RMI1: variants seen among roughly 807,000 people sequenced by gnomAD.
RMI1 encodes recQ-mediated genome instability protein 1.
A neutral mutation model predicts 46.7 loss-of-function variants in RMI1; 36 were observed. The ratio of observed to expected loss-of-function variants is 0.77; its 90% CI spans 0.59 to 1.02. The LOEUF (loss-of-function observed/expected upper bound fraction) is 1.02. Among genes scored for constraint, RMI1 ranks in the 50% least tolerant of loss-of-function variants. RMI1 has a pLI of 0.00. For synonymous variants in RMI1, 250 were observed against 252.9 expected, an observed-to-expected ratio of 0.99 and a Z score of 0.11; for missense variants, 676 against 713.7, an observed-to-expected ratio of 0.95 and a Z score of 0.60.
chr9:83,995,098 C>T (rs920653604), intron 1 of RMI1, among the ~76,000 whole-genome samples: 9 of 152,162 alleles, frequency 5.9e-5, no homozygotes, highest in Non-Finnish European at 1.3e-4. Flanking sequence ...CTCCCAGATT[C>T]AAGCCATTCT....
In RMI1 at chr9:84,001,079, T is replaced by G; in HGVS notation, c.93T>G (p.Ile31Met). The change falls in exon 3 of 3, where the codon ATT (isoleucine) becomes ATG (methionine). Residue 31 changes from isoleucine (I) to methionine (M), a missense_variant. Ile to Met is a conservative substitution (Grantham distance 10, BLOSUM62 1). Coordinates refer to ENST00000445877, the MANE Select transcript of RMI1 (RefSeq NM_001358291.2). ...CTCCGATGTGGCTGGAAGCTTGTAT[T>G]AACTGGATTCAAGAAGAAAATAATA... ...KVPPMWLEAC[I>M]NWIQEENNNV... 6.2e-7 allele frequency: 1 copy of G among 1,614,080 alleles called. No homozygotes were observed. Among genetic ancestry groups the G allele is most frequent in the Non-Finnish European group, 8.5e-7 (1 of 1,179,966 alleles).
Position 84,003,100 on chromosome 9 carries a change from G to GC in RMI1, c.*237dup, listed in dbSNP as rs1957764456. ...ATTGCTCTGTTGCCCAGGCTAGAGT[G>GC]CAGTGGCATGATCATAGGTTATTGC... On this transcript the variant is annotated 3_prime_UTR_variant, in exon 3 of 3. Coordinates refer to ENST00000445877, the MANE Select transcript of RMI1 (RefSeq NM_001358291.2). 1 of 323,394 alleles carries GC rather than the reference G, an allele frequency of 3.1e-6. No individual in the cohort carries two copies. Among genetic ancestry groups the GC allele is most frequent in the East Asian group, 5.8e-5 (1 of 17,376 alleles). 20.0% of individuals were successfully genotyped at this position (323,394 alleles called of 1,614,324 possible).
chr9:83,983,569 C>T (rs948497325), intron 1 of RMI1, among the ~76,000 whole-genome samples: 5 of 151,910 alleles, frequency 3.3e-5, no homozygotes, highest in Non-Finnish European at 5.9e-5. Flanking sequence ...GAATGACACA[C>T]GTAAGGTCCA....
At chr9:83,997,459 T>G (rs1957674785) in intron 1 of RMI1, among the ~76,000 whole-genome samples, 1 of 151,522 alleles carries the variant, frequency 6.6e-6, no homozygotes, top group Non-Finnish European at 1.5e-5. Flanking sequence ...TATTTGTTAC[T>G]CCTGACTTAA....
intron 1 of RMI1, among the ~76,000 whole-genome samples, chr9:83,998,469 T>C (rs1957691625): frequency 6.6e-6 from 1 of 152,164 alleles, no homozygotes; most frequent in Non-Finnish European, 1.5e-5. Context: ...AGCACTTACA[T>C]ACATTTACTA....
At position 83,986,827 on chromosome 9, in the gene RMI1, T is replaced by A. The variant is rs79649856; in HGVS notation, c.-126+5936T>A. On this transcript the variant is annotated intron_variant, in intron 1 of 2. Coordinates refer to ENST00000445877, the MANE Select transcript of RMI1 (RefSeq NM_001358291.2). ...ACCTTTTCAGTTCATAACCAATCAG[T>A]CTTCTTTTCTTACTGATTCATTTCT... is the stretch of plus-strand genomic sequence containing the variant. 4.0e-4 allele frequency among the ~76,000 whole-genome samples: 61 copies of A among 152,266 alleles called. 1 individual carries two copies. In the East Asian group the frequency reaches 9.7e-3, roughly 24 times the overall value.
chr9:83,989,667 C>CAAAAAAAAAAAAAAA (rs34101686), intron 1 of RMI1, among the ~76,000 whole-genome samples: 1 of 141,998 alleles, frequency 7.0e-6, no homozygotes. Context: ...ATCAAAAAGA[C>CAAAAAAAAAAAAAAA]AAAAAAAAAA....
At chr9:83,983,205 TGTTA>T (rs763430700) in intron 1 of RMI1, among the ~76,000 whole-genome samples, 66 of 152,344 alleles carry the variant, frequency 4.3e-4, no homozygotes, top group South Asian at 1.9e-3. Context: ...TTGAGCAAGT[TGTTA>T]GTTATCTTTG....
intron 1 of RMI1, among the ~76,000 whole-genome samples, chr9:83,982,533 T>C (rs1018742627): frequency 3.9e-5 from 6 of 152,046 alleles, no homozygotes; most frequent in African/African-American, 1.4e-4. Context: ...CCGGGTGTGG[T>C]TGCAGGAGCC....
At chr9:83,981,676 G>A (rs1029336195) in intron 1 of RMI1, among the ~76,000 whole-genome samples, 1 of 152,268 alleles carries the variant, frequency 6.6e-6, no homozygotes, top group South Asian at 2.1e-4. Context: ...AAGCATAAAG[G>A]TGTCATAATC....
chr9:83,994,477 T>C (rs1413078548), intron 1 of RMI1, among the ~76,000 whole-genome samples: 4 of 152,236 alleles, frequency 2.6e-5, no homozygotes, highest in Admixed American at 6.5e-5. Flanking sequence ...TTTTTGTATA[T>C]GGTGTGAGAT....
chr9:83,986,824 C>T (rs1957497193), intron 1 of RMI1, among the ~76,000 whole-genome samples: 1 of 152,180 alleles, frequency 6.6e-6, no homozygotes, highest in African/African-American at 2.4e-5. Flanking sequence ...CATAACCAAT[C>T]AGTCTTCTTT....
intron 1 of RMI1, among the ~76,000 whole-genome samples, chr9:83,994,718 C>T (rs1354283100): frequency 1.3e-5 from 2 of 152,110 alleles, no homozygotes; most frequent in East Asian, 1.9e-4. Context: ...GGGGTTTTGT[C>T]ATGTTGCCCA....
chr9:84,001,260 T>G lies in RMI1; in HGVS notation c.274T>G (p.Leu92Val), dbSNP rs750804150. Residue 92 changes from leucine to valine, a missense_variant, in exon 3 of 3, where the codon TTG becomes GTG. Leu to Val is a conservative substitution (Grantham distance 32). Transcript: ENST00000445877. The stretch of plus-strand genomic sequence containing the variant: ...ATTTTATGCTCTGCAGATTAATTCC[T>G]TGGTTGATGTAAGTCAGCCTGCATA... ...NGFYALQINS[L>V]VDVSQPAYSQ... is the part of the protein sequence containing the mutation. 8.7e-6 allele frequency: 14 copies of G among 1,613,992 alleles called. No homozygotes were observed. In the East Asian group the frequency reaches 3.1e-4, roughly 36 times the overall value.
chr9:84,003,622 C>G lies in RMI1; in HGVS notation c.*758C>G, dbSNP rs566700986. 3 of 166,324 alleles carry G rather than the reference C, an allele frequency of 1.8e-5. No homozygotes were observed. Among genetic ancestry groups the G allele is most frequent in the Admixed American group, 1.3e-4 (2 of 15,286 alleles). 10.3% of individuals were successfully genotyped at this position (166,324 alleles called of 1,614,324 possible). A position where few individuals can be genotyped will look rare whatever the true frequency, so the allele number is the denominator to read the frequency against. On this transcript the variant is annotated 3_prime_UTR_variant, in exon 3 of 3. Transcript: ENST00000445877. ...ATTAAAATCCAGTAGATCAGAACAT[C>G]AGGCTTTCAGATACAAATTGATTTA...
At chr9:83,992,444 C>A (rs1158233741) in intron 1 of RMI1, among the ~76,000 whole-genome samples, 1 of 151,470 alleles carries the variant, frequency 6.6e-6, no homozygotes, top group Non-Finnish European at 1.5e-5. Context: ...GCCAGGGATC[C>A]ATTTTAAACA....
intron 1 of RMI1, among the ~76,000 whole-genome samples, chr9:83,990,310 G>A (rs751605625): frequency 1.3e-5 from 2 of 152,082 alleles, no homozygotes; most frequent in African/African-American, 4.8e-5. Flanking sequence ...TCAGGAGTTC[G>A]AGACCAGCCT....
At chr9:83,988,040 C>T (rs138745125) in intron 1 of RMI1, among the ~76,000 whole-genome samples, 234 of 151,656 alleles carry the variant, frequency 1.5e-3, no homozygotes, top group African/African-American at 5.2e-3. Context: ...CATGTGCCAC[C>T]ACACTCAGTT....
At chr9:83,988,527 C>T (rs1411397663) in intron 1 of RMI1, among the ~76,000 whole-genome samples, 1 of 152,136 alleles carries the variant, frequency 6.6e-6, no homozygotes, top group African/African-American at 2.4e-5. Context: ...AGGTATTGAA[C>T]TCTCAGGCTC....
Sources: gnomAD v4.1 joint callset for allele counts (sites outside exome capture counted in the v4.1 genomes callset) on GRCh38, gnomAD v4.1.1 for gene constraint, MANE v1.5 for transcripts, NCBI Gene and HGNC (gene_info 2026-07-23, HGNC 2026-07-21) for gene names.